Variants in TTN observed in about 807,000 individuals in gnomAD.
TTN encodes titin, also known as connectin.
In TTN, 1,525 loss-of-function variants were observed where a neutral mutation model predicts 3,223.0. The observed-to-expected ratio is 0.47, with a 90% CI of 0.45 to 0.49. The LOEUF is 0.49. TTN is among the 20% of genes least tolerant of loss of function. The probability of loss-of-function intolerance (pLI) is 0.00; values close to 1 mark genes in which losing one functional copy is unlikely to be tolerated. For synonymous variants in TTN, 14,094 were observed against 15,161.0 expected (o/e 0.93, Z 5.17); for missense variants, 40,786 against 43,424.0 (o/e 0.94, Z 5.40).
intron 11 of TTN, 41 bp from the exon 12 acceptor site, chr2:178,790,156 C>G: frequency 1.3e-6 from 2 of 1,587,798 alleles, no homozygotes. Flanking sequence ...TCATTAAATT[C>G]CATAAATCTT....
At position 178,776,480 on chromosome 2, in the gene TTN, T is replaced by G; in HGVS notation, c.5384A>C (p.Lys1795Thr). The change falls in exon 28 of 363, where the codon AAA becomes ACA. Residue 1795 changes from lysine (K) to threonine (T), a missense_variant. Lys to Thr is a moderately conservative substitution (Grantham distance 78, BLOSUM62 -1). Coordinates refer to ENST00000589042, the MANE Select transcript of TTN (RefSeq NM_001267550.2). ...TTCTTCCACAAGACTTTTCTCATCT[T>G]TAACAATAAGGGTAGCAGATGTGTG... ...TDHTSATLIV[K>T]DEKSLVEESQ... The G allele has an allele frequency of 6.2e-7, 1 of 1,608,102 alleles. No homozygotes were observed. Among genetic ancestry groups the G allele is most frequent in the Non-Finnish European group, 8.5e-7 (1 of 1,179,988 alleles).
Position 178,580,631 on chromosome 2 carries a change from A to C in TTN, c.66770-22T>G, listed in dbSNP as rs1387482509. The C allele has an allele frequency of 1.9e-6, 3 of 1,583,310 alleles. No individual in the cohort carries two copies. The African/African-American group carries it at 4.1e-5, about 22-fold the overall frequency. On this transcript the variant is annotated intron_variant, in intron 316 of 362. Transcript: ENST00000589042. ...GGAACTGTTTAATTTTGGGTGAAGA[A>C]GTTAAATAAAAATTTAATAGTCAAA...
chr2:178,544,637 C>G lies in TTN; in HGVS notation c.95723-131G>C, dbSNP rs544542214. 6 of 691,640 alleles carry G rather than the reference C, an allele frequency of 8.7e-6. No homozygotes were observed. The East Asian group carries it at 1.6e-4, about 18-fold the overall frequency. 42.8% of individuals were successfully genotyped at this position (691,640 alleles called of 1,614,324 possible). On this transcript the variant is annotated intron_variant, in intron 344 of 362. Transcript: ENST00000589042. ...CACTCACCAAGATAATCTTTATTAA[C>G]TGGGCTCCTGATATTATAGGACAGC...
intron 10 of TTN, among the ~76,000 whole-genome samples, 166 bp from the exon 11 acceptor site, chr2:178,791,011 C>T (rs1244260747): frequency 6.6e-6 from 1 of 152,178 alleles, no homozygotes; most frequent in Non-Finnish European, 1.5e-5. Context: ...AGACTGCTTT[C>T]CTGAGGAATG....
chr2:178,564,760 C>G lies in TTN; in HGVS notation c.81372G>C (p.Lys27124Asn). 1 of 1,612,160 alleles carries G rather than the reference C, an allele frequency of 6.2e-7. No homozygotes were observed. The highest frequency in any genetic ancestry group is 1.3e-5 in the African/African-American group (1 of 74,978). The part of the protein sequence containing the change: ...KNSILWVKLN[K>N]TPIQDTKFKT... Reference sequence around the variant, plus strand: ...TGAATTTGGTGTCCTGAATGGGGGTCTTATTTAACTTGACCCATAAAATAC... The same window carrying G: ...TGAATTTGGTGTCCTGAATGGGGGTGTTATTTAACTTGACCCATAAAATAC... The change falls in exon 326 of 363, where the codon AAG (lysine) becomes AAC (asparagine). Residue 27124 changes from lysine to asparagine, a missense_variant. Transcript: ENST00000589042.
rs763182089 is a variant in TTN, at chr2:178,530,854, T to C, written c.105761A>G (p.Lys35254Arg). The C allele has an allele frequency of 6.2e-7, 1 of 1,613,898 alleles. No homozygotes were observed. Among genetic ancestry groups the C allele is most frequent in the Non-Finnish European group, 8.5e-7 (1 of 1,179,878 alleles). The change falls in exon 358 of 363, where the codon AAA (lysine) becomes AGA (arginine). Residue 35254 changes from lysine (K) to arginine (R), a missense_variant. By Grantham distance (26) the Lys-to-Arg change is conservative. Coordinates refer to ENST00000589042, the MANE Select transcript of TTN (RefSeq NM_001267550.2). ...PEAVKSPKRV[K>R]SPEPSHPKAV... The stretch of plus-strand genomic sequence containing the variant: ...TTTCGGGTGAGAAGGTTCTGGAGAT[T>C]TCACTCGTTTTGGAGACTTAACTGC...
chr2:178,678,267 G>C, intron 144 of TTN, 59 bp from the exon 145 acceptor site: 1 of 1,547,298 alleles, frequency 6.5e-7, no homozygotes, highest in Non-Finnish European at 8.8e-7. Context: ...TAGAGCAATA[G>C]ATATGAAAAA....
chr2:178,751,971 C>G, intron 47 of TTN: 1 of 1,588,480 alleles, frequency 6.3e-7, no homozygotes. Context: ...TGGTCTATGT[C>G]TTCAGAATCT....
At position 178,601,309 on chromosome 2, in the gene TTN, G is replaced by A. The variant is rs1188505019; in HGVS notation, c.55688C>T (p.Pro18563Leu). Residue 18563 changes from proline (P) to leucine (L), a missense_variant, in exon 287 of 363, where the codon CCA becomes CTA. By Grantham distance (98) the Pro-to-Leu change is moderately conservative. Coordinates refer to ENST00000589042, the MANE Select transcript of TTN (RefSeq NM_001267550.2). ...VRAENRFGIG[P>L]PVETIQRTTA... ...GGTCCTCTGAATGGTTTCCACAGGT[G>A]GGCCAATACCAAAACGGTTTTCTGC... is the stretch of plus-strand genomic sequence containing the variant. 3.1e-6 allele frequency: 5 copies of A among 1,601,368 alleles called. No homozygotes were observed. The African/African-American group carries it at 4.0e-5, about 13-fold the overall frequency.
chr2:178,684,391 A>C lies in TTN; in HGVS notation c.32661T>G (p.Ile10887Met). 1 of 1,613,666 alleles carries C rather than the reference A, an allele frequency of 6.2e-7. No individual in the cohort carries two copies. Among genetic ancestry groups the C allele is most frequent in the Non-Finnish European group, 8.5e-7 (1 of 1,179,684 alleles). The part of the protein sequence containing the change: ...PAKVTERHMQ[I>M]TQEEKVLVAV... ...CAACAAGAACTTTTTCTTCCTGGGT[A>C]ATTTGCATGTGCCTCTCAGTCACTT... The change falls in exon 132 of 363, where the codon ATT becomes ATG. Residue 10887 changes from isoleucine (I) to methionine (M), a missense_variant. Ile to Met is a conservative substitution (Grantham distance 10, BLOSUM62 1). Coordinates refer to ENST00000589042, the MANE Select transcript of TTN (RefSeq NM_001267550.2).
Position 178,552,406 on chromosome 2 carries a change from C to G in TTN, c.90494G>C (p.Trp30165Ser). The G allele has an allele frequency of 1.9e-6, 3 of 1,593,082 alleles. No homozygotes were observed. Among genetic ancestry groups the G allele is most frequent in the Non-Finnish European group, 1.7e-6 (2 of 1,167,332 alleles). The stretch of plus-strand genomic sequence containing the variant: ...TTTCAGTGGCAAGCCATCTTTCAGC[C>G]AACTGATGGATGGTTTGGGTTTTCC... ...YKGKPKPSIS[W>S]LKDGLPLKES... is the part of the protein sequence containing the mutation. Residue 30165 changes from tryptophan to serine, a missense_variant, in exon 335 of 363, where the codon TGG (tryptophan) becomes TCG (serine). Transcript: ENST00000589042.
Position 178,730,579 on chromosome 2 carries a change from T to C in TTN, c.17954A>G (p.Asp5985Gly), listed in dbSNP as rs1452556096. The C allele has an allele frequency of 1.2e-6, 2 of 1,613,700 alleles. No homozygotes were observed. The highest frequency in any genetic ancestry group is 1.7e-5 in the Admixed American group (1 of 59,996). ...GGCAGAACAAGTGTATGTCCCACTG[T>C]CTGTACCTTCCAGCTGGCTGATTTC... ...FLEISQLEGT[D>G]SGTYTCSATN... is the part of the protein sequence containing the mutation. The change falls in exon 61 of 363, where the codon GAC becomes GGC. Residue 5985 changes from aspartate (D) to glycine (G), a missense_variant. Transcript: ENST00000589042.
chr2:178,527,423 C>A (rs749682856), intron 362 of TTN, 23 bp downstream of exon 362: 37 of 1,605,186 alleles, frequency 2.3e-5, no homozygotes, highest in Non-Finnish European at 3.2e-5. Context: ...TTGTCTACCT[C>A]TACCAGTAAT....
rs753417922 is a variant in TTN, at chr2:178,799,819, A to G, written c.669+6T>C. On this transcript the variant is annotated splice_donor_region_variant and intron_variant, in intron 5 of 362. Transcript: ENST00000589042. ...AGGCTTGAAAACCAACAGTATAGAA[A>G]AATACCTTTTCAATTCGGGTTTGTC... 1 of 1,614,154 alleles carries G rather than the reference A, an allele frequency of 6.2e-7. No individual in the cohort carries two copies. The highest frequency in any genetic ancestry group is 8.5e-7 in the Non-Finnish European group (1 of 1,180,022).
Position 178,576,408 on chromosome 2 carries a change from C to G in TTN, c.69724G>C (p.Gly23242Arg). The G allele has an allele frequency of 6.4e-7, 1 of 1,573,626 alleles. No individual in the cohort carries two copies. Among genetic ancestry groups the G allele is most frequent in the Admixed American group, 2.1e-5 (1 of 48,428 alleles). The part of the protein sequence containing the change: ...VLMKDAAYPP[G>R]PPSNPHVTDT... The stretch of plus-strand genomic sequence containing the variant: ...GTGACATGCGGATTTGAAGGTGGTC[C>G]TGGAGGATCTGAGAAAGAAACAAAG... The change falls in exon 326 of 363, where the codon GGA becomes CGA. Residue 23242 changes from glycine to arginine, a missense_variant. Gly to Arg is a moderately radical substitution (Grantham distance 125). Coordinates refer to ENST00000589042, the MANE Select transcript of TTN (RefSeq NM_001267550.2). The surrounding 1 kb of genome is among the most constrained non-coding windows in gnomAD (Gnocchi z 4.3).
chr2:178,627,608 T>C (rs1269964050), intron 240 of TTN, among the ~76,000 whole-genome samples: 1 of 151,942 alleles, frequency 6.6e-6, no homozygotes, highest in African/African-American at 2.4e-5. Context: ...AGGGGCCCTA[T>C]AGAATTATAG....
In TTN at chr2:178,610,228, C is replaced by T; in HGVS notation, c.51298G>A (p.Gly17100Ser). Residue 17100 changes from glycine (G) to serine (S), a missense_variant, in exon 271 of 363, where the codon GGT becomes AGT. Physicochemically the swap from Gly to Ser is moderately conservative, Grantham distance 56. Transcript: ENST00000589042. ...GRRTYIPVMS[G>S]ENKLSWTVKD... The stretch of plus-strand genomic sequence containing the variant: ...ACAGTCCATGACAGTTTGTTCTCAC[C>T]AGACATGACTGGTATATATGTTCTC... 6.2e-7 allele frequency: 1 copy of T among 1,612,974 alleles called. No homozygotes were observed. Among genetic ancestry groups the T allele is most frequent in the East Asian group, 2.2e-5 (1 of 44,772 alleles).
chr2:178,554,327 C>A, intron 332 of TTN, 111 bp from the exon 333 acceptor site: 1 of 1,442,222 alleles, frequency 6.9e-7, no homozygotes, highest in Non-Finnish European at 9.4e-7. Context: ...TTATATTTTT[C>A]ACCTTGTGAA....
At chr2:178,673,441 A>G (rs577527541) in intron 152 of TTN, among the ~76,000 whole-genome samples, 192 bp downstream of exon 152, 26 of 151,906 alleles carry the variant, frequency 1.7e-4, no homozygotes, top group African/African-American at 6.0e-4. Context: ...ATTCATACGT[A>G]AACACATGCA....
Sources: allele counts gnomAD v4.1 joint callset (sites outside exome capture counted in the v4.1 genomes callset), GRCh38; gene constraint gnomAD v4.1.1; non-coding constraint Gnocchi (gnomAD v3.1); transcripts MANE v1.5; gene names NCBI Gene and HGNC (gene_info 2026-07-23, HGNC 2026-07-21).